Variants in ADAD1 observed in about 807,000 individuals in gnomAD.
ADAD1 encodes adenosine deaminase domain-containing protein 1.
Under a neutral mutation model 66.8 loss-of-function variants are expected in ADAD1, and 46 were observed. The observed-to-expected ratio is 0.69, with a 90% confidence interval of 0.54 to 0.88. The LOEUF (loss-of-function observed/expected upper bound fraction) is 0.88, where lower values mean the gene tolerates loss of function less well. ADAD1 is among the 40% of genes least tolerant of loss of function. ADAD1 has a pLI of 0.00. For synonymous variants in ADAD1, 248 were observed against 229.4 expected, an observed-to-expected ratio of 1.08 and a Z score of -0.73; for missense variants, 617 against 681.8, an observed-to-expected ratio of 0.91 and a Z score of 1.06.
chr4:122,392,442 C>T (rs750819427), intron 5 of ADAD1, among the ~76,000 whole-genome samples: 5 of 152,084 alleles, frequency 3.3e-5, no homozygotes, highest in Admixed American at 1.3e-4. Flanking sequence ...AGCAAATAAA[C>T]GCAGGAATGT....
chr4:122,410,677 A>T (rs948954294), intron 8 of ADAD1, among the ~76,000 whole-genome samples: 1 of 152,194 alleles, frequency 6.6e-6, no homozygotes, highest in Non-Finnish European at 1.5e-5. Context: ...TTATTTTGAA[A>T]CATACAATAA....
chr4:122,407,172 T>C (rs1796253357), intron 7 of ADAD1, among the ~76,000 whole-genome samples: 1 of 152,118 alleles, frequency 6.6e-6, no homozygotes, highest in Non-Finnish European at 1.5e-5. Flanking sequence ...TGAACTTTGT[T>C]TGAAAAACGA....
chr4:122,393,817 G>A (rs867330110), intron 6 of ADAD1, among the ~76,000 whole-genome samples, 160 bp downstream of exon 6: 7 of 152,008 alleles, frequency 4.6e-5, no homozygotes, highest in Non-Finnish European at 8.8e-5. Flanking sequence ...TCTATACTAT[G>A]CTAAAAATGA....
intron 6 of ADAD1, among the ~76,000 whole-genome samples, chr4:122,395,982 T>C (rs1288383789): frequency 6.6e-6 from 1 of 152,240 alleles, no homozygotes; most frequent in African/African-American, 2.4e-5. Flanking sequence ...CTTTTGAATA[T>C]ATCATCAGAG....
chr4:122,415,519 C>CA lies in ADAD1; in HGVS notation c.1393dup (p.Met465AsnfsTer6). On this transcript the variant is annotated frameshift_variant, in exon 11 of 13. Transcript: ENST00000296513. LOFTEE classifies it high-confidence loss of function. ...TTTAGTACCCTCTGCATATCCCCTT[C>CA]AAATGAACTTGGAATATAAATTTCT... 1 of 1,613,932 alleles carries CA rather than the reference C, an allele frequency of 6.2e-7. No homozygotes were observed. Among genetic ancestry groups the CA allele is most frequent in the Non-Finnish European group, 8.5e-7 (1 of 1,179,876 alleles).
chr4:122,392,341 CAT>C, intron 5 of ADAD1, among the ~76,000 whole-genome samples: 1 of 152,120 alleles, frequency 6.6e-6, no homozygotes, highest in Non-Finnish European at 1.5e-5. Context: ...AAGTGTGGTA[CAT>C]ACACAACTGT....
At chr4:122,422,271 C>T (rs1327554801) in intron 12 of ADAD1, among the ~76,000 whole-genome samples, 1 of 151,984 alleles carries the variant, frequency 6.6e-6, no homozygotes, top group Non-Finnish European at 1.5e-5. Context: ...ATTATAGGTG[C>T]ACACCACCAT....
chr4:122,399,108 G>C (rs1057248790), intron 7 of ADAD1, among the ~76,000 whole-genome samples: 6 of 152,080 alleles, frequency 3.9e-5, no homozygotes, highest in African/African-American at 1.4e-4. Context: ...TAATGTCTTA[G>C]ATTTAAGTCT....
At chr4:122,391,095 T>C (rs1222239982) in intron 5 of ADAD1, among the ~76,000 whole-genome samples, 1 of 152,212 alleles carries the variant, frequency 6.6e-6, no homozygotes, top group Non-Finnish European at 1.5e-5. Context: ...CTTGTTCGTT[T>C]TTCTTTCAAT....
intron 10 of ADAD1, among the ~76,000 whole-genome samples, chr4:122,414,086 A>T (rs1796599897): frequency 6.6e-6 from 1 of 150,640 alleles, no homozygotes; most frequent in Non-Finnish European, 1.5e-5. Context: ...GTAAATTATT[A>T]ATGCACACAT....
Position 122,411,170 on chromosome 4 carries a change from A to G in ADAD1, c.849-52A>G. 5.0e-6 allele frequency: 7 copies of G among 1,392,960 alleles called. No individual in the cohort carries two copies. The East Asian group carries it at 7.6e-5, about 15-fold the overall frequency. 86.3% of individuals were successfully genotyped at this position (1,392,960 alleles called of 1,614,324 possible). On this transcript the variant is annotated intron_variant, in intron 8 of 12. Coordinates refer to ENST00000296513, the MANE Select transcript of ADAD1 (RefSeq NM_139243.4). The stretch of plus-strand genomic sequence containing the variant: ...ACATGTGGACATGATGCTCATTAAG[A>G]TATATCTTTTATAAAGTTTATTACT...
chr4:122,404,596 TTTCCTGGTATG>T (rs1021928323), intron 7 of ADAD1, among the ~76,000 whole-genome samples: 1 of 152,116 alleles, frequency 6.6e-6, no homozygotes, highest in Non-Finnish European at 1.5e-5. Flanking sequence ...TTCCTTTGGT[TTTCCTGGTATG>T]TTCCTGCAGT....
At chr4:122,389,738 CTG>C (rs749018696) in intron 5 of ADAD1, among the ~76,000 whole-genome samples, 19 of 152,188 alleles carry the variant, frequency 1.2e-4, no homozygotes, top group Non-Finnish European at 2.8e-4. Context: ...TATTTTGAGC[CTG>C]TGTGTGTCTT....
At chr4:122,404,980 C>G (rs1348573018) in intron 7 of ADAD1, among the ~76,000 whole-genome samples, 1 of 152,162 alleles carries the variant, frequency 6.6e-6, no homozygotes, top group Non-Finnish European at 1.5e-5. Context: ...AAGTATCTCC[C>G]TGAAGCATTG....
intron 9 of ADAD1, among the ~76,000 whole-genome samples, chr4:122,411,639 C>T (rs1796471850): frequency 6.6e-6 from 1 of 152,130 alleles, no homozygotes. Context: ...GAATTGGAAA[C>T]TTTTTGAGCA....
At chr4:122,420,707 T>C (rs888197181) in intron 11 of ADAD1, among the ~76,000 whole-genome samples, 1 of 152,194 alleles carries the variant, frequency 6.6e-6, no homozygotes, top group Non-Finnish European at 1.5e-5. Context: ...AGCAAAAATG[T>C]TCATGATCTA....
intron 5 of ADAD1, among the ~76,000 whole-genome samples, chr4:122,388,464 C>T (rs572637508): frequency 1.2e-4 from 19 of 152,246 alleles, no homozygotes; most frequent in Admixed American, 9.2e-4. Flanking sequence ...CTTTGTATTT[C>T]TGGTAGAATT....
intron 5 of ADAD1, among the ~76,000 whole-genome samples, chr4:122,388,623 CTA>C (rs1795291144): frequency 6.6e-6 from 1 of 152,188 alleles, no homozygotes; most frequent in Non-Finnish European, 1.5e-5. Context: ...AGGAATTTAT[CTA>C]TTTCTTCCAG....
rs79321633 is a variant in ADAD1, at chr4:122,426,473, T to C, written c.1618-3153T>C. Among the ~76,000 whole-genome samples, 343 of 152,292 alleles carry C rather than the reference T, an allele frequency of 2.3e-3. 1 individual carries two copies. Among genetic ancestry groups the C allele is most frequent in the Non-Finnish European group, 3.6e-3 (242 of 68,004 alleles). On this transcript the variant is annotated intron_variant, in intron 12 of 12. Transcript: ENST00000296513. Reference sequence around the variant, plus strand: ...AATGGAGGAGAAAACACTTCTCTACTCATTTTACAAGTCCAGTGTTACCCT... The same window carrying C: ...AATGGAGGAGAAAACACTTCTCTACCCATTTTACAAGTCCAGTGTTACCCT...
Sources: gnomAD v4.1 joint callset for allele counts (sites outside exome capture counted in the v4.1 genomes callset) on GRCh38, gnomAD v4.1.1 for gene constraint, MANE v1.5 for transcripts, NCBI Gene and HGNC (gene_info 2026-07-23, HGNC 2026-07-21) for gene names.